Variants in CRTC1 observed in about 807,000 individuals in gnomAD.
CRTC1 encodes CREB regulated transcription coactivator 1.
Under a neutral mutation model 66.1 loss-of-function variants are expected in CRTC1, and 18 were observed. That is an observed-to-expected ratio of 0.27 (90% CI 0.19 to 0.40). The LOEUF (loss-of-function observed/expected upper bound fraction) is 0.40, where lower values mean the gene tolerates loss of function less well. Among genes scored for constraint, CRTC1 ranks in the 10% least tolerant of loss-of-function variants. The pLI is 1.00. For synonymous variants in CRTC1, 416 were observed against 398.8 expected (o/e 1.04, Z -0.51); for missense variants, 669 against 887.9 (o/e 0.75, Z 3.13).
chr19:18,764,128 C>T (rs557532078), intron 8 of CRTC1, among the ~76,000 whole-genome samples: 58 of 152,336 alleles, frequency 3.8e-4, no homozygotes, highest in Non-Finnish European at 6.2e-4. Context: ...AGCAGCTGCC[C>T]TGGGCACGGA....
At position 18,779,567 on chromosome 19, in the gene CRTC1, G is replaced by A. The variant is rs770108658; in HGVS notation, c.*2185G>A. The stretch of plus-strand genomic sequence containing the variant: ...GCCTTAATAAAATTACAAGCAACCC[G>A]CCTGGATGCGGTTTTCAAAAGAAGG... On this transcript the variant is annotated 3_prime_UTR_variant, in exon 14 of 14. Coordinates refer to ENST00000321949, the MANE Select transcript of CRTC1 (RefSeq NM_015321.3). 2.9e-4 allele frequency: 64 copies of A among 217,050 alleles called. No homozygotes were observed. The highest frequency in any genetic ancestry group is 5.2e-4 in the Admixed American group (9 of 17,172). The allele number at this position is 217,050 out of a possible 1,614,324, so 13.4% of individuals were successfully genotyped here. A position where few individuals can be genotyped will look rare whatever the true frequency, so the allele number is the denominator to read the frequency against.
chr19:18,748,605 C>T (rs1373359757), intron 4 of CRTC1, among the ~76,000 whole-genome samples: 5 of 147,558 alleles, frequency 3.4e-5, no homozygotes, highest in Non-Finnish European at 6.0e-5. Context: ...GAGGCCGAGG[C>T]GGGTGGATCA....
intron 1 of CRTC1, among the ~76,000 whole-genome samples, chr19:18,730,374 C>T (rs1213942664): frequency 6.6e-6 from 1 of 152,090 alleles, no homozygotes; most frequent in Admixed American, 6.5e-5. Flanking sequence ...CTGGTGCAGC[C>T]CCTGGACTTT....
chr19:18,700,660 C>T (rs1190523135), intron 1 of CRTC1, among the ~76,000 whole-genome samples: 1 of 152,220 alleles, frequency 6.6e-6, no homozygotes, highest in Non-Finnish European at 1.5e-5. Flanking sequence ...GCTGGTCATT[C>T]GCCCGGAAAT....
intron 9 of CRTC1, among the ~76,000 whole-genome samples, chr19:18,767,160 G>A (rs2054754430): frequency 6.6e-6 from 1 of 152,140 alleles, no homozygotes; most frequent in Admixed American, 6.5e-5. Flanking sequence ...CCCTAACAGA[G>A]AACTTTGACA....
intron 1 of CRTC1, among the ~76,000 whole-genome samples, chr19:18,719,643 C>A (rs1038106432): frequency 1.3e-5 from 2 of 152,270 alleles, no homozygotes; most frequent in East Asian, 3.9e-4. Flanking sequence ...TCAGCCCAGA[C>A]CCCAAGCAAG....
intron 1 of CRTC1, among the ~76,000 whole-genome samples, chr19:18,711,420 G>A (rs1325449255): frequency 6.6e-6 from 1 of 152,176 alleles, no homozygotes; most frequent in East Asian, 1.9e-4. Context: ...CGCCTGCCAG[G>A]AATCCGGGCC....
At chr19:18,714,925 G>T (rs1284748265) in intron 1 of CRTC1, among the ~76,000 whole-genome samples, 3 of 152,234 alleles carry the variant, frequency 2.0e-5, no homozygotes, top group Non-Finnish European at 2.9e-5. Flanking sequence ...CCTGGGCTTC[G>T]GGAAGGATTT....
intron 6 of CRTC1, among the ~76,000 whole-genome samples, chr19:18,756,640 A>G (rs907521669): frequency 2.0e-5 from 3 of 152,040 alleles, no homozygotes; most frequent in African/African-American, 7.2e-5. Flanking sequence ...CTAACAACAA[A>G]CAAAACAAGA....
intron 10 of CRTC1, among the ~76,000 whole-genome samples, chr19:18,769,975 C>T (rs969663805): frequency 4.6e-5 from 7 of 152,180 alleles, no homozygotes; most frequent in Non-Finnish European, 8.8e-5. Flanking sequence ...GCTGGCACCT[C>T]CATCACCCAC....
chr19:18,744,129 G>C (rs563711316), intron 2 of CRTC1: 1 of 1,612,570 alleles, frequency 6.2e-7, no homozygotes, highest in African/African-American at 1.3e-5. Context: ...TCTGGGGGAG[G>C]CCCTGGCAGC....
At chr19:18,723,794 T>A (rs1314267552) in intron 1 of CRTC1, among the ~76,000 whole-genome samples, 1 of 152,112 alleles carries the variant, frequency 6.6e-6, no homozygotes, top group Non-Finnish European at 1.5e-5. Context: ...GGGACACTGG[T>A]CTCAGATGGA....
intron 1 of CRTC1, among the ~76,000 whole-genome samples, chr19:18,738,658 T>C (rs113149974): frequency 0.24 from 36,867 of 151,996 alleles, 4,935 homozygotes; most frequent in African/African-American, 0.36. Context: ...AAAAATTGTC[T>C]GAGTGTGGTG....
Position 18,781,582 on chromosome 19 carries a change from T to TA in CRTC1, c.*4202dup. On this transcript the variant is annotated 3_prime_UTR_variant, in exon 14 of 14. Transcript: ENST00000321949. ...CTCCCCCTGGGAGCAGGAGGTGGAG[T>TA]AAGTTGTACCCCCAGGCCTGGGTGC... The TA allele has an allele frequency of 4.4e-6, 1 of 228,500 alleles. No individual in the cohort carries two copies. Among genetic ancestry groups the TA allele is most frequent in the East Asian group, 6.2e-5 (1 of 16,096 alleles). 14.2% of individuals were successfully genotyped at this position (228,500 alleles called of 1,614,324 possible). A position where few individuals can be genotyped will look rare whatever the true frequency, so the allele number is the denominator to read the frequency against.
intron 1 of CRTC1, among the ~76,000 whole-genome samples, chr19:18,722,460 A>C (rs1417926283): frequency 6.6e-6 from 1 of 152,206 alleles, no homozygotes; most frequent in Non-Finnish European, 1.5e-5. Flanking sequence ...TCTTGGATTT[A>C]GGATTGGCCC....
intron 1 of CRTC1, among the ~76,000 whole-genome samples, chr19:18,735,025 C>G (rs761185673): frequency 7.9e-5 from 12 of 152,238 alleles, no homozygotes; most frequent in Non-Finnish European, 1.3e-4. Flanking sequence ...AGAAAATCCT[C>G]CCCCACAACA....
intron 1 of CRTC1, among the ~76,000 whole-genome samples, chr19:18,733,621 C>T (rs2053936743): frequency 1.3e-5 from 2 of 152,266 alleles, no homozygotes; most frequent in South Asian, 2.1e-4. Context: ...TTCCCAAGCT[C>T]GGCAGATGTT....
rs1247733202 is a variant in CRTC1, at chr19:18,771,050, GTATGTATATTCTAGTGTGGA to G, written c.1321-386_1321-367del. ...CACATGTGTGGGTGTGCATGTGTGGGTATGTATATTCTAGTGTGGATATGTGTACACGTGGGTATGTCTGT... is the reference window on the plus strand; with the variant it reads ...CACATGTGTGGGTGTGCATGTGTGGGTATGTGTACACGTGGGTATGTCTGT... On this transcript the variant is annotated intron_variant, in intron 10 of 13. Coordinates refer to ENST00000321949, the MANE Select transcript of CRTC1 (RefSeq NM_015321.3). This position sits in a 1 kb window ranked among gnomAD's most constrained non-coding sequence, Gnocchi z 4.6. 6.6e-6 allele frequency among the ~76,000 whole-genome samples: 1 copy of G among 151,876 alleles called. No homozygotes were observed. The highest frequency in any genetic ancestry group is 2.4e-5 in the African/African-American group (1 of 41,304).
At chr19:18,706,654 G>C (rs974660771) in intron 1 of CRTC1, among the ~76,000 whole-genome samples, 1 of 152,076 alleles carries the variant, frequency 6.6e-6, no homozygotes, top group Admixed American at 6.6e-5. Flanking sequence ...GGTTTTTTGA[G>C]ATTCTGTATG....
Sources: gnomAD v4.1 joint callset for allele counts (sites outside exome capture counted in the v4.1 genomes callset) on GRCh38, gnomAD v4.1.1 for gene constraint, Gnocchi (gnomAD v3.1) non-coding constraint, MANE v1.5 for transcripts, NCBI Gene and HGNC (gene_info 2026-07-23, HGNC 2026-07-21) for gene names.